KDM2B: variants seen among roughly 807,000 people sequenced by gnomAD.
KDM2B encodes the protein lysine-specific demethylase 2B.
In KDM2B, 26 loss-of-function variants were observed where a neutral mutation model predicts 150.0. The observed-to-expected ratio is 0.17, with a 90% CI of 0.13 to 0.24. The LOEUF (loss-of-function observed/expected upper bound fraction) is 0.24. Ranked by LOEUF, KDM2B falls within the 10% of genes least tolerant of loss-of-function variation. KDM2B has a pLI of 1.00. For synonymous variants in KDM2B, 734 were observed against 729.5 expected, an observed-to-expected ratio of 1.01 and a Z score of -0.10; for missense variants, 1,265 against 1,816.9, an observed-to-expected ratio of 0.70 and a Z score of 5.52.
At chr12:121,482,579 C>T (rs1882278577) in intron 12 of KDM2B, among the ~76,000 whole-genome samples, 1 of 152,098 alleles carries the variant, frequency 6.6e-6, no homozygotes, top group African/African-American at 2.4e-5. Flanking sequence ...GGATTACAGG[C>T]GTGAGCCACC....
chr12:121,549,734 T>TGAGCTGAGA lies in KDM2B; in HGVS notation c.398-97_398-96insTCTCAGCTC. 1 of 1,159,400 alleles carries TGAGCTGAGA rather than the reference T, an allele frequency of 8.6e-7. No homozygotes were observed. Among genetic ancestry groups the TGAGCTGAGA allele is most frequent in the Non-Finnish European group, 1.2e-6 (1 of 825,194 alleles). The allele number at this position is 1,159,400 out of a possible 1,614,324, so 71.8% of individuals were successfully genotyped here. ...ACTAAACAAAAGCTGCTCCTCCACG[T>TGAGCTGAGA]TTCCCCACAGTCCTCACCCCTCTTC... On this transcript the variant is annotated intron_variant, in intron 4 of 22. Coordinates refer to ENST00000377071, the MANE Select transcript of KDM2B (RefSeq NM_032590.5). This position sits in a 1 kb window ranked among gnomAD's most constrained non-coding sequence, Gnocchi z 4.4.
At chr12:121,501,534 G>A (rs1027328551) in intron 11 of KDM2B, among the ~76,000 whole-genome samples, 3 of 152,172 alleles carry the variant, frequency 2.0e-5, no homozygotes, top group African/African-American at 7.2e-5. Flanking sequence ...ACTTTGGAGC[G>A]AGCAGAGCCC....
intron 8 of KDM2B, among the ~76,000 whole-genome samples, chr12:121,529,213 A>C (rs1555307415): frequency 1.3e-5 from 2 of 152,244 alleles, no homozygotes; most frequent in African/African-American, 4.8e-5. Context: ...ACGTAAACAG[A>C]ATTAAAAATT....
At chr12:121,447,544 T>G (rs1463962716) in intron 13 of KDM2B, among the ~76,000 whole-genome samples, 1 of 151,712 alleles carries the variant, frequency 6.6e-6, no homozygotes, top group African/African-American at 2.4e-5. Context: ...CACCCGGCAA[T>G]TCCAAGTCCT....
At chr12:121,576,308 G>A (rs1325394426) in intron 2 of KDM2B, among the ~76,000 whole-genome samples, 1 of 152,186 alleles carries the variant, frequency 6.6e-6, no homozygotes, top group Non-Finnish European at 1.5e-5. Flanking sequence ...CAGAGAGGAG[G>A]CTGGGAGGAG....
At position 121,467,234 on chromosome 12, in the gene KDM2B, G is replaced by C; in HGVS notation, c.1735-13890C>G. 1 of 1,022,524 alleles carries C rather than the reference G, an allele frequency of 9.8e-7. No homozygotes were observed. The highest frequency in any genetic ancestry group is 1.2e-6 in the Non-Finnish European group (1 of 848,834). The allele number at this position is 1,022,524 out of a possible 1,614,324, so 63.3% of individuals were successfully genotyped here. Reference sequence around the variant, plus strand: ...CATGGCTCATGGTGGGCCCAGGCTCGCGCGCGCTGACATGGCTGGAGCGGC... The same window carrying C: ...CATGGCTCATGGTGGGCCCAGGCTCCCGCGCGCTGACATGGCTGGAGCGGC... On this transcript the variant is annotated intron_variant, in intron 12 of 22. Coordinates refer to ENST00000377071, the MANE Select transcript of KDM2B (RefSeq NM_032590.5). This position sits in a 1 kb window ranked among gnomAD's most constrained non-coding sequence, Gnocchi z 5.1.
At chr12:121,558,884 C>T (rs1202071613) in intron 4 of KDM2B, among the ~76,000 whole-genome samples, 2 of 152,160 alleles carry the variant, frequency 1.3e-5, no homozygotes, top group Non-Finnish European at 2.9e-5. Flanking sequence ...AACCATGGCA[C>T]CCAGCCTCCT....
intron 22 of KDM2B, among the ~76,000 whole-genome samples, chr12:121,431,953 G>A (rs11837566): frequency 0.034 from 4,773 of 142,080 alleles, 257 homozygotes; most frequent in African/African-American, 0.12. Context: ...GCACGACCTC[G>A]GCTTACTGCA....
At chr12:121,414,448 A>C in the KDM2B span, among the ~76,000 whole-genome samples, 1 of 151,806 alleles carries the variant, frequency 6.6e-6, no homozygotes, top group African/African-American at 2.4e-5. Flanking sequence ...ACTGCAGTAA[A>C]AAGGAGACAG....
intron 13 of KDM2B, among the ~76,000 whole-genome samples, chr12:121,447,779 C>A (rs1191725104): frequency 6.6e-6 from 1 of 151,226 alleles, no homozygotes; most frequent in African/African-American, 2.4e-5. Flanking sequence ...GCGATTCTCC[C>A]ACCTCAGCCT....
rs1268906600 is a variant in KDM2B, at chr12:121,430,703, A to G, written c.3830-234T>C. The G allele has an allele frequency of 8.8e-6, 5 of 569,548 alleles. No individual in the cohort carries two copies. The highest frequency in any genetic ancestry group is 1.2e-5 in the Non-Finnish European group (4 of 320,954). 35.3% of individuals were successfully genotyped at this position (569,548 alleles called of 1,614,324 possible). A position where few individuals can be genotyped will look rare whatever the true frequency, so the allele number is the denominator to read the frequency against. On this transcript the variant is annotated intron_variant, in intron 22 of 22. Transcript: ENST00000377071. The surrounding 1 kb of genome is among the most constrained non-coding windows in gnomAD (Gnocchi z 4.4). ...ATGCCTCAAAAGCATTCAGATAACC[A>G]CGTGAAAATCACTTCTGATTTACCA... is the stretch of plus-strand genomic sequence containing the variant.
At chr12:121,470,155 G>T (rs948059894) in intron 12 of KDM2B, 2 of 151,576 alleles carry the variant, frequency 1.3e-5, no homozygotes, top group Non-Finnish European at 2.9e-5. Flanking sequence ...CTTCTCAAAG[G>T]TTTTTCCCAT....
At chr12:121,429,002 G>T (rs531634861), downstream of KDM2B, 1 of 152,326 alleles carries the variant, frequency 6.6e-6, no homozygotes, top group African/African-American at 2.4e-5. Flanking sequence ...GCTCTTTCCC[G>T]TTACCTTTAC....
chr12:121,438,989 T>C (rs1324077541), intron 22 of KDM2B, among the ~76,000 whole-genome samples: 1 of 152,212 alleles, frequency 6.6e-6, no homozygotes, highest in African/African-American at 2.4e-5. Context: ...CGCTGCATAC[T>C]GGAGCCCCAA....
intron 12 of KDM2B, among the ~76,000 whole-genome samples, chr12:121,487,793 CTTTT>C (rs1248100789): frequency 1.5e-4 from 20 of 135,746 alleles, no homozygotes; most frequent in Non-Finnish European, 1.9e-4. Flanking sequence ...GAAGCAGCTT[CTTTT>C]TTTTTTTTTT....
intron 1 of KDM2B, chr12:121,579,753 C>A: frequency 6.9e-7 from 1 of 1,443,368 alleles, no homozygotes; most frequent in Non-Finnish European, 9.3e-7. Flanking sequence ...CGGGCGAACC[C>A]CGAGCCCGCT....
chr12:121,529,895 G>C (rs1201712150), intron 8 of KDM2B, among the ~76,000 whole-genome samples: 1 of 131,892 alleles, frequency 7.6e-6, no homozygotes, highest in Non-Finnish European at 1.6e-5. Flanking sequence ...GCACCACCAT[G>C]CTCCAGCCTG....
chr12:121,536,423 G>C (rs1267336934), intron 6 of KDM2B, among the ~76,000 whole-genome samples: 1 of 152,226 alleles, frequency 6.6e-6, no homozygotes, highest in East Asian at 1.9e-4. Flanking sequence ...GGGCTGCGGA[G>C]CTGGCAATGG....
Position 121,534,609 on chromosome 12 carries a change from G to A in KDM2B, c.684-19C>T. The A allele has an allele frequency of 6.4e-7, 1 of 1,569,832 alleles. No individual in the cohort carries two copies. The highest frequency in any genetic ancestry group is 8.8e-7 in the Non-Finnish European group (1 of 1,139,744). On this transcript the variant is annotated intron_variant, in intron 6 of 22. Coordinates refer to ENST00000377071, the MANE Select transcript of KDM2B (RefSeq NM_032590.5). ...ACAGTACCTGCAACACAGAGGCAGG[G>A]AGACAGAACACAAGTCAAGATCTAA...
Sources: gnomAD v4.1 joint callset for allele counts (sites outside exome capture counted in the v4.1 genomes callset) on GRCh38, gnomAD v4.1.1 for gene constraint, Gnocchi (gnomAD v3.1) non-coding constraint, MANE v1.5 for transcripts, NCBI Gene and HGNC (gene_info 2026-07-23, HGNC 2026-07-21) for gene names.